The following CCR3 variants were observed in gnomAD, a reference collection of about 807,000 sequenced individuals.
CCR3 encodes the protein C-C chemokine receptor type 3.
For synonymous variants in CCR3, 203 were observed against 179.2 expected, an observed-to-expected ratio of 1.13 and a Z score of -1.06; for missense variants, 419 against 437.5, an observed-to-expected ratio of 0.96 and a Z score of 0.38.
chr3:46,256,864 C>G (rs918668344), intron 1 of CCR3, among the ~76,000 whole-genome samples: 1 of 151,898 alleles, frequency 6.6e-6, no homozygotes, highest in South Asian at 2.1e-4. Flanking sequence ...GCCCAAAGAG[C>G]CAAGACCTCG....
intron 2 of CCR3, among the ~76,000 whole-genome samples, chr3:46,223,356 A>G (rs1487185639): frequency 2.0e-5 from 3 of 152,280 alleles, no homozygotes; most frequent in East Asian, 1.9e-4. Flanking sequence ...AAACAAACAA[A>G]CAAATAAAAT....
intron 2 of CCR3, among the ~76,000 whole-genome samples, chr3:46,216,323 C>A (rs143341075): frequency 2.6e-5 from 4 of 152,272 alleles, no homozygotes; most frequent in African/African-American, 9.6e-5. Flanking sequence ...GTACACACTG[C>A]ACACATTGGG....
At chr3:46,245,496 G>A (rs1160454588) in intron 1 of CCR3, among the ~76,000 whole-genome samples, 1 of 150,608 alleles carries the variant, frequency 6.6e-6, no homozygotes, top group Non-Finnish European at 1.5e-5. Flanking sequence ...CAGACCAAAG[G>A]CATACAAAAA....
chr3:46,238,973 G>A (rs575909156), upstream of CCR3, among the ~76,000 whole-genome samples: 385 of 152,230 alleles, frequency 2.5e-3, 2 homozygotes, highest in Non-Finnish European at 3.9e-3. Flanking sequence ...TGGGGCATAA[G>A]GTACTTTTTG....
chr3:46,250,907 G>T (rs914670657), intron 1 of CCR3, among the ~76,000 whole-genome samples: 2 of 151,898 alleles, frequency 1.3e-5, no homozygotes, highest in South Asian at 4.1e-4. Context: ...GGAAATAAGG[G>T]ATTGGGGCAC....
intron 1 of CCR3, among the ~76,000 whole-genome samples, chr3:46,261,443 G>C (rs1255778932): frequency 1.3e-5 from 2 of 152,236 alleles, no homozygotes; most frequent in African/African-American, 4.8e-5. Flanking sequence ...GCCCAAAGGG[G>C]AGAGGATGGT....
chr3:46,248,506 C>G (rs944527132), intron 1 of CCR3, among the ~76,000 whole-genome samples: 16 of 152,078 alleles, frequency 1.1e-4, no homozygotes, highest in Non-Finnish European at 2.1e-4. Flanking sequence ...CTAACCATGC[C>G]TAGGAAGGAA....
At chr3:46,250,812 G>T (rs1174806048) in intron 1 of CCR3, among the ~76,000 whole-genome samples, 1 of 151,876 alleles carries the variant, frequency 6.6e-6, no homozygotes, top group African/African-American at 2.4e-5. Context: ...AGGGGTTCAG[G>T]GGTTCTTACC....
At chr3:46,260,417 A>T (rs1700501947) in intron 1 of CCR3, among the ~76,000 whole-genome samples, 1 of 152,244 alleles carries the variant, frequency 6.6e-6, no homozygotes, top group Non-Finnish European at 1.5e-5. Flanking sequence ...AACTTGTAAA[A>T]TCAAAAGCAA....
intron 2 of CCR3, among the ~76,000 whole-genome samples, chr3:46,230,817 C>T (rs2125925099): frequency 6.6e-6 from 1 of 152,326 alleles, no homozygotes; most frequent in East Asian, 1.9e-4. Flanking sequence ...CCTCCACCCT[C>T]CACACTGGCC....
At chr3:46,254,489 T>TAA (rs11453702) in intron 1 of CCR3, among the ~76,000 whole-genome samples, 4 of 151,440 alleles carry the variant, frequency 2.6e-5, no homozygotes, top group East Asian at 1.9e-4. Context: ...AGTTCTTTTT[T>TAA]AAAAAAAAAT....
chr3:46,221,577 G>T (rs1250560593), intron 2 of CCR3, among the ~76,000 whole-genome samples: 1 of 152,180 alleles, frequency 6.6e-6, no homozygotes, highest in Non-Finnish European at 1.5e-5. Context: ...AAACCACACG[G>T]CTCTGCCTGC....
chr3:46,266,019 G>A lies in CCR3; in HGVS notation c.861G>A (p.Glu287=), dbSNP rs769657018. 1 of 1,614,088 alleles carries A rather than the reference G, an allele frequency of 6.2e-7. No homozygotes were observed. The highest frequency in any genetic ancestry group is 8.5e-7 in the Non-Finnish European group (1 of 1,180,002). The change falls in exon 2 of 2, where the codon GAG becomes GAA. Residue 287 remains glutamate, a synonymous_variant. Coordinates refer to ENST00000395940, the MANE Select transcript of CCR3 (RefSeq NM_178329.3). ...KHLDLVMLVT[E]VIAYSHCCMN... ...TGGACCTGGTCATGCTGGTGACAGA[G>A]GTGATCGCCTACTCCCACTGCTGCA...
intron 1 of CCR3, among the ~76,000 whole-genome samples, chr3:46,245,566 A>T (rs1321400582): frequency 4.0e-5 from 6 of 151,730 alleles, no homozygotes; most frequent in Non-Finnish European, 8.8e-5. Context: ...CCTTTTTTTT[A>T]ACTTTTATTT....
At chr3:46,211,344 G>T (rs550831112) in intron 2 of CCR3, among the ~76,000 whole-genome samples, 11 of 150,988 alleles carry the variant, frequency 7.3e-5, no homozygotes, top group African/African-American at 2.7e-4. Flanking sequence ...AACCACAGGT[G>T]CATGGCACCA....
chr3:46,235,475 A>G (rs1239855139), intron 2 of CCR3, among the ~76,000 whole-genome samples: 5 of 152,260 alleles, frequency 3.3e-5, no homozygotes, highest in African/African-American at 4.8e-5. Context: ...AATGATCTTC[A>G]TTTATAGACA....
chr3:46,226,774 A>G (rs1335468728), intron 2 of CCR3, among the ~76,000 whole-genome samples: 1 of 152,058 alleles, frequency 6.6e-6, no homozygotes, highest in Non-Finnish European at 1.5e-5. Context: ...TGTTTTCTCT[A>G]GACTCTTTGT....
At chr3:46,241,860 C>T (rs898916540), upstream of CCR3, among the ~76,000 whole-genome samples, 2 of 152,102 alleles carry the variant, frequency 1.3e-5, no homozygotes, top group African/African-American at 4.8e-5. Flanking sequence ...CAAATCAATG[C>T]TTATTCAAGA....
chr3:46,243,385 G>A (rs1700131464), intron 1 of CCR3, among the ~76,000 whole-genome samples: 1 of 152,064 alleles, frequency 6.6e-6, no homozygotes, highest in Non-Finnish European at 1.5e-5. Flanking sequence ...ATATGTGTGT[G>A]TGCATTAAGT....
Sources: gnomAD v4.1 joint callset for allele counts (sites outside exome capture counted in the v4.1 genomes callset) on GRCh38, gnomAD v4.1.1 for gene constraint, MANE v1.5 for transcripts, NCBI Gene and HGNC (gene_info 2026-07-23, HGNC 2026-07-21) for gene names.